Variants in DENND1A observed in about 807,000 individuals in gnomAD.
DENND1A encodes the protein DENN domain-containing protein 1A.
A neutral mutation model predicts 113.7 loss-of-function variants in DENND1A; 51 were observed. The ratio of observed to expected loss-of-function variants is 0.45; its 90% CI spans 0.36 to 0.57. DENND1A has a LOEUF of 0.57. DENND1A is among the 20% of genes least tolerant of loss of function. DENND1A has a pLI of 0.00. For missense variants in DENND1A, 1,258 were observed against 1,395.9 expected (o/e 0.90, Z 1.57); for synonymous variants, 565 against 570.8 (o/e 0.99, Z 0.14).
intron 2 of DENND1A, among the ~76,000 whole-genome samples, chr9:123,823,350 A>G (rs1157685086): frequency 6.6e-6 from 1 of 152,224 alleles, no homozygotes; most frequent in Non-Finnish European, 1.5e-5. Flanking sequence ...TGGTCTGGGC[A>G]GATGGAACAG....
intron 3 of DENND1A, among the ~76,000 whole-genome samples, chr9:123,774,979 C>T (rs557834265): frequency 6.0e-4 from 92 of 152,260 alleles, no homozygotes; most frequent in African/African-American, 2.1e-3. Flanking sequence ...AGCAAAAATA[C>T]TCCATCTTAT....
chr9:123,630,042 CTAT>C (rs574645629), intron 10 of DENND1A, among the ~76,000 whole-genome samples: 1 of 151,496 alleles, frequency 6.6e-6, no homozygotes, highest in African/African-American at 2.4e-5. Flanking sequence ...GTTAGTATTT[CTAT>C]TATTATTATT....
intron 1 of DENND1A, among the ~76,000 whole-genome samples, chr9:123,898,138 T>C (rs1851063064): frequency 6.6e-6 from 1 of 152,140 alleles, no homozygotes; most frequent in South Asian, 2.1e-4. Flanking sequence ...ATTGGGGGTG[T>C]AGGAGCTTTC....
At chr9:123,624,217 T>C (rs1013665685) in intron 10 of DENND1A, among the ~76,000 whole-genome samples, 1 of 152,202 alleles carries the variant, frequency 6.6e-6, no homozygotes, top group Non-Finnish European at 1.5e-5. Flanking sequence ...CAAACCTCCT[T>C]CAAATTTACA....
intron 2 of DENND1A, among the ~76,000 whole-genome samples, chr9:123,813,795 G>A (rs1306941266): frequency 2.0e-5 from 3 of 151,580 alleles, no homozygotes; most frequent in Non-Finnish European, 2.9e-5. Context: ...AGAGAGTTTC[G>A]TGCAGACTCA....
intron 5 of DENND1A, among the ~76,000 whole-genome samples, chr9:123,707,184 C>G (rs536811997): frequency 1.3e-5 from 2 of 152,174 alleles, no homozygotes; most frequent in East Asian, 1.9e-4. Flanking sequence ...CACCTGATAT[C>G]AGGAGTTTGA....
chr9:123,473,191 C>T (rs2049593806), intron 13 of DENND1A, among the ~76,000 whole-genome samples: 1 of 152,128 alleles, frequency 6.6e-6, no homozygotes, highest in Admixed American at 6.5e-5. Flanking sequence ...TATTCTACTG[C>T]AAATCAGGCA....
chr9:123,410,339 TCCTGTCCC>T (rs2044207416), intron 20 of DENND1A, among the ~76,000 whole-genome samples: 3 of 152,216 alleles, frequency 2.0e-5, no homozygotes. Context: ...AGAAGGGGCC[TCCTGTCCC>T]CCAAAGCAGT....
intron 4 of DENND1A, among the ~76,000 whole-genome samples, chr9:123,767,681 C>T (rs560561787): frequency 6.6e-6 from 1 of 152,252 alleles, no homozygotes; most frequent in East Asian, 1.9e-4. Context: ...CACACCTGCA[C>T]ATGTGTGTTG....
At chr9:123,423,913 C>T (rs755273345) in intron 19 of DENND1A, among the ~76,000 whole-genome samples, 22 of 152,124 alleles carry the variant, frequency 1.4e-4, no homozygotes, top group Non-Finnish European at 2.8e-4. Flanking sequence ...AGGGGCTACC[C>T]GTAAAGTTGG....
intron 11 of DENND1A, among the ~76,000 whole-genome samples, chr9:123,586,323 G>A (rs2059161177): frequency 6.6e-6 from 1 of 152,152 alleles, no homozygotes; most frequent in African/African-American, 2.4e-5. Flanking sequence ...GGCCCCAGTG[G>A]CACAGACCAG....
chr9:123,393,117 A>G (rs1050715667), intron 21 of DENND1A, among the ~76,000 whole-genome samples: 1 of 152,206 alleles, frequency 6.6e-6, no homozygotes, highest in African/African-American at 2.4e-5. Flanking sequence ...TTATCTGTAA[A>G]ATGGAGATTC....
intron 16 of DENND1A, among the ~76,000 whole-genome samples, chr9:123,453,672 A>C (rs2047902248): frequency 6.6e-6 from 1 of 152,234 alleles, no homozygotes; most frequent in Admixed American, 6.5e-5. Flanking sequence ...ACCTAAGAGA[A>C]TAAGATACAG....
At chr9:123,659,896 T>G (rs2063143932) in intron 8 of DENND1A, among the ~76,000 whole-genome samples, 1 of 152,366 alleles carries the variant, frequency 6.6e-6, no homozygotes, top group East Asian at 1.9e-4. Context: ...TCAACACTGC[T>G]AGAGCTCAAC....
At chr9:123,426,853 G>T (rs971815199) in intron 19 of DENND1A, among the ~76,000 whole-genome samples, 1 of 152,190 alleles carries the variant, frequency 6.6e-6, no homozygotes, top group Admixed American at 6.5e-5. Context: ...CCTCATCGCA[G>T]AACAGCCTGG....
At chr9:123,523,463 A>AAGTCATCC (rs2054559151) in intron 13 of DENND1A, among the ~76,000 whole-genome samples, 1 of 152,252 alleles carries the variant, frequency 6.6e-6, no homozygotes, top group African/African-American at 2.4e-5. Flanking sequence ...ATCTGAACTC[A>AAGTCATCC]AGTCATCCCA....
intron 8 of DENND1A, among the ~76,000 whole-genome samples, chr9:123,660,785 A>C (rs896643481): frequency 6.6e-6 from 1 of 152,274 alleles, no homozygotes; most frequent in Non-Finnish European, 1.5e-5. Flanking sequence ...ACAGGAGAAG[A>C]ATTAGTAATG....
chr9:123,780,435 G>A (rs1345728809), intron 3 of DENND1A, among the ~76,000 whole-genome samples: 2 of 152,214 alleles, frequency 1.3e-5, no homozygotes, highest in Non-Finnish European at 2.9e-5. Context: ...ATCGGATTAA[G>A]AAGGGAAGAA....
chr9:123,706,770 CAAAAAAAAAAAAAA>C (rs575483682), intron 5 of DENND1A, among the ~76,000 whole-genome samples: 1 of 53,540 alleles, frequency 1.9e-5, no homozygotes, highest in Admixed American at 2.7e-4. Context: ...GACTCCGTCT[CAAAAAAAAAAAAAA>C]AAAAAAAAAA....
Sources: allele counts gnomAD v4.1 joint callset (sites outside exome capture counted in the v4.1 genomes callset), GRCh38; gene constraint gnomAD v4.1.1; transcripts MANE v1.5; gene names NCBI Gene and HGNC (gene_info 2026-07-23, HGNC 2026-07-21).